Variants in INTS8 observed in about 807,000 individuals in gnomAD.
The protein encoded by INTS8 is protein kaonashi-1.
A neutral mutation model predicts 138.9 loss-of-function variants in INTS8; 47 were observed. That is an observed-to-expected ratio of 0.34 (90% CI 0.27 to 0.43). The LOEUF (loss-of-function observed/expected upper bound fraction) is 0.43. Ranked by LOEUF, INTS8 falls within the 20% of genes least tolerant of loss-of-function variation. The probability of loss-of-function intolerance (pLI) is 1.00; values close to 1 mark genes in which losing one functional copy is unlikely to be tolerated. For missense variants in INTS8, 996 were observed against 1,173.0 expected (o/e 0.85, Z 2.20); for synonymous variants, 392 against 400.9 (o/e 0.98, Z 0.27).
intron 10 of INTS8, among the ~76,000 whole-genome samples, chr8:94,844,603 C>T (rs754967872): frequency 9.2e-5 from 14 of 152,294 alleles, no homozygotes; most frequent in East Asian, 1.9e-4. Context: ...AGGCATGAGC[C>T]GTGCCCGGCC....
At chr8:94,856,666 A>G in intron 14 of INTS8, 111 bp from the exon 15 acceptor site, 6 of 839,288 alleles carry the variant, frequency 7.1e-6, no homozygotes, top group Non-Finnish European at 1.2e-5. Context: ...TGAGAAAAGC[A>G]ACGTTAACCA....
intron 12 of INTS8, 72 bp from the exon 13 acceptor site, chr8:94,851,481 A>G (rs1815543087): frequency 1.9e-6 from 2 of 1,080,518 alleles, no homozygotes; most frequent in Non-Finnish European, 1.3e-6. Flanking sequence ...TACAAAATAC[A>G]TAATTTTAAG....
intron 16 of INTS8, chr8:94,859,884 G>A: frequency 2.7e-6 from 1 of 371,248 alleles, no homozygotes; most frequent in South Asian, 3.1e-5. Context: ...ACACATTGGT[G>A]TAATCCTAAG....
chr8:94,863,001 C>T (rs1029712884), intron 16 of INTS8, among the ~76,000 whole-genome samples: 4 of 152,238 alleles, frequency 2.6e-5, no homozygotes, highest in Admixed American at 6.5e-5. Flanking sequence ...TACGTAATCA[C>T]AAATAGGAAC....
intron 5 of INTS8, 57 bp downstream of exon 5, chr8:94,829,083 T>A: frequency 7.7e-7 from 1 of 1,295,428 alleles, no homozygotes; most frequent in South Asian, 1.2e-5. Flanking sequence ...AGAGCAGCAG[T>A]TCCCAACCTT....
intron 16 of INTS8, among the ~76,000 whole-genome samples, chr8:94,861,563 T>A (rs1424080344): frequency 7.1e-6 from 1 of 141,142 alleles, no homozygotes; most frequent in Non-Finnish European, 1.5e-5. Flanking sequence ...GCCCGGCCCT[T>A]TTTTTTGAGA....
chr8:94,868,284 C>T (rs767811675), intron 20 of INTS8, among the ~76,000 whole-genome samples: 4 of 152,060 alleles, frequency 2.6e-5, no homozygotes, highest in Non-Finnish European at 5.9e-5. Context: ...CCTGCCCTCC[C>T]TCTCAGTCTT....
At chr8:94,843,961 A>T (rs1586487069) in intron 10 of INTS8, among the ~76,000 whole-genome samples, 2 of 135,986 alleles carry the variant, frequency 1.5e-5, no homozygotes, top group Admixed American at 7.1e-5. Flanking sequence ...TTACTCATGG[A>T]TTTTGTTTTT....
At chr8:94,854,208 A>G (rs780869516) in intron 14 of INTS8, among the ~76,000 whole-genome samples, 16 of 140,228 alleles carry the variant, frequency 1.1e-4, no homozygotes, top group East Asian at 8.2e-4. Flanking sequence ...TCCATCTCGG[A>G]AAAAAAAAAA....
chr8:94,838,442 T>A, intron 7 of INTS8, 21 bp from the exon 8 acceptor site: 1 of 1,582,116 alleles, frequency 6.3e-7, no homozygotes, highest in Non-Finnish European at 8.7e-7. Flanking sequence ...TGGATAATGG[T>A]GTATACCTCT....
At chr8:94,828,072 C>G (rs1015202052) in intron 4 of INTS8, among the ~76,000 whole-genome samples, 4 of 150,210 alleles carry the variant, frequency 2.7e-5, no homozygotes, top group Non-Finnish European at 5.9e-5. Context: ...TGGAGACTCA[C>G]TCTGTCGCCC....
intron 16 of INTS8, chr8:94,860,096 T>C (rs1192240386): frequency 6.5e-6 from 1 of 153,772 alleles, no homozygotes; most frequent in Non-Finnish European, 1.4e-5. Flanking sequence ...ATTTATTCAG[T>C]AAATTGGCAC....
chr8:94,859,835 TC>T (rs1230955328), intron 16 of INTS8: 18 of 499,922 alleles, frequency 3.6e-5, no homozygotes, highest in Non-Finnish European at 6.5e-5. Context: ...GCCCTGTAAT[TC>T]ATGAGCATGT....
At chr8:94,825,833 G>GTT (rs34542435) in intron 2 of INTS8, among the ~76,000 whole-genome samples, 11 of 151,714 alleles carry the variant, frequency 7.3e-5, no homozygotes, top group East Asian at 3.9e-4. Flanking sequence ...GAGGAGAGGG[G>GTT]TTTTTTTTGA....
intron 15 of INTS8, among the ~76,000 whole-genome samples, 157 bp downstream of exon 15, chr8:94,857,135 C>T (rs1047878926): frequency 8.2e-5 from 12 of 146,640 alleles, no homozygotes; most frequent in African/African-American, 2.8e-4. Flanking sequence ...TGTAATGGCG[C>T]GATCTCGGCC....
chr8:94,876,339 A>C, intron 25 of INTS8, 54 bp downstream of exon 25: 1 of 1,479,530 alleles, frequency 6.8e-7, no homozygotes. Context: ...TATAAATTAA[A>C]GGAATATTTA....
chr8:94,831,143 T>C (rs1432468673), intron 5 of INTS8, among the ~76,000 whole-genome samples: 2 of 151,830 alleles, frequency 1.3e-5, no homozygotes, highest in Non-Finnish European at 2.9e-5. Flanking sequence ...AGACAGAATA[T>C]TACTCTGTCA....
chr8:94,871,656 G>GA (rs1268501673), intron 20 of INTS8, among the ~76,000 whole-genome samples: 1 of 152,064 alleles, frequency 6.6e-6, no homozygotes, highest in Non-Finnish European at 1.5e-5. Flanking sequence ...ACATTCTGAA[G>GA]AAAAGAGAAC....
At position 94,860,770 on chromosome 8, in the gene INTS8, A is replaced by G. The variant is rs142738108; in HGVS notation, c.2076+1138A>G. On this transcript the variant is annotated intron_variant, in intron 16 of 26. Coordinates refer to ENST00000523731, the MANE Select transcript of INTS8 (RefSeq NM_017864.4). ...GTCTTTGGTAATACAAAGTCCTTTA[A>G]ATCGGCTGGGTGCAGTGGCTCACGC... is the stretch of plus-strand genomic sequence containing the variant. Among the ~76,000 whole-genome samples the G allele has an allele frequency of 3.3e-5, 5 of 151,556 alleles. No homozygotes were observed. In the East Asian group the frequency reaches 9.8e-4, roughly 30 times the overall value.
Sources: gnomAD v4.1 joint callset for allele counts (sites outside exome capture counted in the v4.1 genomes callset) on GRCh38, gnomAD v4.1.1 for gene constraint, MANE v1.5 for transcripts, NCBI Gene and HGNC (gene_info 2026-07-23, HGNC 2026-07-21) for gene names.